The following MED12L variants were observed in gnomAD, a reference collection of about 807,000 sequenced individuals.
MED12L encodes the protein mediator of RNA polymerase II transcription subunit 12-like protein.
A neutral mutation model predicts 281.3 loss-of-function variants in MED12L; 60 were observed. That is an observed-to-expected ratio of 0.21 (90% confidence interval 0.17 to 0.26). MED12L has a LOEUF of 0.26. MED12L is among the 10% of genes least tolerant of loss of function. The pLI, the probability that MED12L is intolerant of heterozygous loss-of-function variation, is 1.00. For synonymous variants in MED12L, 974 were observed against 987.2 expected, an observed-to-expected ratio of 0.99 and a Z score of 0.25; for missense variants, 2,146 against 2,680.9, an observed-to-expected ratio of 0.80 and a Z score of 4.41.
intron 4 of MED12L, among the ~76,000 whole-genome samples, chr3:151,124,497 G>T (rs1358155489): frequency 6.6e-6 from 1 of 152,190 alleles, no homozygotes; most frequent in African/African-American, 2.4e-5. Context: ...ATCTTCTTGA[G>T]ATGGTGAAAT....
intron 16 of MED12L, among the ~76,000 whole-genome samples, chr3:151,265,944 G>T (rs935150357): frequency 6.6e-6 from 1 of 152,152 alleles, no homozygotes; most frequent in African/African-American, 2.4e-5. Context: ...GGGCATCAGC[G>T]CTGGGCAAGT....
intron 16 of MED12L, among the ~76,000 whole-genome samples, chr3:151,344,250 GCCT>G (rs1752259253): frequency 6.6e-6 from 1 of 151,454 alleles, no homozygotes; most frequent in Non-Finnish European, 1.5e-5. Context: ...AGTTAAATCC[GCCT>G]CCTATTTTCT....
intron 21 of MED12L, 81 bp downstream of exon 21, chr3:151,360,686 T>C: frequency 7.6e-7 from 1 of 1,317,282 alleles, no homozygotes; most frequent in Non-Finnish European, 1.1e-6. Flanking sequence ...GTCATCCTTT[T>C]GAATAATGAA....
At chr3:151,187,579 T>C in intron 12 of MED12L, among the ~76,000 whole-genome samples, 1 of 152,202 alleles carries the variant, frequency 6.6e-6, no homozygotes, top group East Asian at 1.9e-4. Context: ...AAAATGGGAA[T>C]GATCAAAGGA....
chr3:151,111,542 G>A (rs1353658917), intron 2 of MED12L, among the ~76,000 whole-genome samples: 2 of 152,190 alleles, frequency 1.3e-5, no homozygotes, highest in Non-Finnish European at 2.9e-5. Flanking sequence ...TACCCACAGT[G>A]CTGTCCCCAC....
chr3:151,338,292 A>G, intron 16 of MED12L: 3 of 1,614,136 alleles, frequency 1.9e-6, no homozygotes, highest in Non-Finnish European at 2.5e-6. Flanking sequence ...TTCATGCCAG[A>G]CTAGACCGAA....
intron 16 of MED12L, among the ~76,000 whole-genome samples, chr3:151,254,911 C>T (rs947560919): frequency 3.3e-5 from 5 of 152,088 alleles, no homozygotes; most frequent in African/African-American, 1.2e-4. Context: ...TCATTCTTGT[C>T]GGAATAGTTG....
At chr3:151,140,847 TTTTGTTTGTTTGTTTG>T (rs201249568) in intron 5 of MED12L, among the ~76,000 whole-genome samples, 1 of 145,614 alleles carries the variant, frequency 6.9e-6, no homozygotes. Flanking sequence ...ACGCAGATAA[TTTTGTTTGTTTGTTTG>T]TTTGTTTGTT....
chr3:151,216,665 C>G (rs1728294249), intron 16 of MED12L, among the ~76,000 whole-genome samples: 1 of 152,166 alleles, frequency 6.6e-6, no homozygotes, highest in Non-Finnish European at 1.5e-5. Context: ...CACTATTCTT[C>G]CTCTTCCCTG....
chr3:151,430,886 C>G (rs1385064913), intron 44 of MED12L, among the ~76,000 whole-genome samples: 2 of 150,814 alleles, frequency 1.3e-5, no homozygotes, highest in Admixed American at 6.6e-5. Flanking sequence ...ACAGCATGAT[C>G]GAGACAGTGT....
chr3:151,208,982 G>A (rs986283334), intron 16 of MED12L, among the ~76,000 whole-genome samples: 1 of 152,136 alleles, frequency 6.6e-6, no homozygotes, highest in South Asian at 2.1e-4. Context: ...GTCCTGTGTT[G>A]CAGGTCCCCA....
At chr3:151,168,770 G>A (rs1471123251) in intron 11 of MED12L, among the ~76,000 whole-genome samples, 3 of 152,080 alleles carry the variant, frequency 2.0e-5, no homozygotes, top group African/African-American at 7.2e-5. Context: ...CAGTGGTACT[G>A]TCTTGGCTCC....
chr3:151,239,897 A>G (rs969422627), intron 16 of MED12L, among the ~76,000 whole-genome samples: 6 of 152,256 alleles, frequency 3.9e-5, no homozygotes, highest in Non-Finnish European at 7.3e-5. Context: ...TTAAAAATAT[A>G]TGAAACTTCC....
chr3:151,341,226 A>T (rs1271734880), intron 16 of MED12L, among the ~76,000 whole-genome samples: 1 of 152,098 alleles, frequency 6.6e-6, no homozygotes, highest in Non-Finnish European at 1.5e-5. Context: ...CCCTTGGTTA[A>T]TAATGTCATT....
intron 16 of MED12L, among the ~76,000 whole-genome samples, chr3:151,296,874 A>G (rs1194384050): frequency 6.6e-6 from 1 of 152,154 alleles, no homozygotes; most frequent in East Asian, 1.9e-4. Flanking sequence ...AACACCATGA[A>G]TTTAAGCCCT....
rs1470673309 is a variant in MED12L at position 151,377,142 on chromosome 3, G to A, written c.4280G>A (p.Ser1427Asn). 3 of 1,613,834 alleles carry A rather than the reference G, an allele frequency of 1.9e-6. No individual in the cohort carries two copies. The East Asian group carries it at 6.7e-5, about 36-fold the overall frequency. ...AACAGTATTGGAAGTGCTGATACAA[G>A]TAGCACGAGACAGAATGGAATAAAG... is the stretch of plus-strand genomic sequence containing the variant. The part of the protein sequence containing the change: ...NPNSIGSADT[S>N]STRQNGIKTF... The change falls in exon 30 of 45, where the codon AGT (serine) becomes AAT (asparagine). Residue 1427 changes from serine (S) to asparagine (N), a missense_variant. Ser to Asn is a conservative substitution (Grantham distance 46). This residue lies in a region of MED12L where 235 missense variants were observed against 260.3 expected (regional missense o/e 0.90). Coordinates refer to ENST00000687756, the MANE Select transcript of MED12L (RefSeq NM_001393769.1).
chr3:151,116,855 G>T (rs936508229), intron 3 of MED12L, among the ~76,000 whole-genome samples: 1 of 152,176 alleles, frequency 6.6e-6, no homozygotes, highest in African/African-American at 2.4e-5. Context: ...CACAATGCCA[G>T]TTTGCCCTAC....
intron 16 of MED12L, among the ~76,000 whole-genome samples, chr3:151,230,619 G>C (rs1439279415): frequency 2.3e-5 from 3 of 129,770 alleles, no homozygotes; most frequent in Admixed American, 8.1e-5. Flanking sequence ...ATGTTTCTTT[G>C]AACTCTATGT....
At position 151,416,432 on chromosome 3, in the gene MED12L, G is replaced by A; in HGVS notation, c.6408+10G>A. 4 of 1,613,032 alleles carry A rather than the reference G, an allele frequency of 2.5e-6. No homozygotes were observed. Among genetic ancestry groups the A allele is most frequent in the East Asian group, 2.2e-5 (1 of 44,876 alleles). On this transcript the variant is annotated intron_variant, in intron 43 of 44. Transcript: ENST00000687756. ...GCCCCAGCAGCCCTTGGTAAGGCCT[G>A]TTGTTTTGGAATCAGACATGTGGGT...
Sources: allele counts gnomAD v4.1 joint callset (sites outside exome capture counted in the v4.1 genomes callset), GRCh38; gene constraint gnomAD v4.1.1; regional missense constraint gnomAD v4.1.1; transcripts MANE v1.5; gene names NCBI Gene and HGNC (gene_info 2026-07-23, HGNC 2026-07-21).